POLG: variants seen among roughly 807,000 people sequenced by gnomAD.
POLG encodes the protein DNA polymerase subunit gamma-1.
POLG carries 110 observed loss-of-function variants against 155.4 expected under a neutral mutation model. The observed-to-expected ratio is 0.71, with a 90% CI of 0.61 to 0.83. The LOEUF (loss-of-function observed/expected upper bound fraction) is 0.83. Ranked by LOEUF, POLG falls within the 40% of genes least tolerant of loss-of-function variation. POLG has a pLI of 0.00. For missense variants in POLG, 1,685 were observed against 1,627.5 expected, an observed-to-expected ratio of 1.04 and a Z score of -0.61; for synonymous variants, 701 against 631.5, an observed-to-expected ratio of 1.11 and a Z score of -1.65.
chr15:89,325,169 AGAGAGTGAGAGAGTGAGT>A lies in POLG; in HGVS notation c.1949+263_1949+280del, dbSNP rs1567189674. 1.2e-3 allele frequency among the ~76,000 whole-genome samples: 101 copies of A among 84,600 alleles called. 15 individuals carry two copies. The highest frequency in any genetic ancestry group is 9.7e-3 in the East Asian group (25 of 2,584). The allele number at this position is 84,600 out of a possible 152,430, so 55.5% of individuals were successfully genotyped here. ...GAGTGAGTGAGTGAGTGAGTGAGTG[AGAGAGTGAGAGAGTGAGT>A]GAGTGAGAGAGTGAGTGAGAGAGTG... On this transcript the variant is annotated intron_variant, in intron 10 of 22. Coordinates refer to ENST00000268124, the MANE Select transcript of POLG (RefSeq NM_002693.3).
At chr15:89,325,119 TGAGTGAGTGAGAGAGTGAGTGAGA>T (rs1338794660) in intron 10 of POLG, among the ~76,000 whole-genome samples, 11 of 36,634 alleles carry the variant, frequency 3.0e-4, no homozygotes, top group African/African-American at 1.4e-3. Context: ...AGAGAGTGAG[TGAGTGAGTGAGAGAGTGAGTGAGA>T]GAGTGAGTGA....
At chr15:89,319,817 C>T (rs1430735818) in intron 18 of POLG, among the ~76,000 whole-genome samples, 1 of 152,172 alleles carries the variant, frequency 6.6e-6, no homozygotes, top group African/African-American at 2.4e-5. Context: ...GCCTGGCTTA[C>T]CCCTCTCAAC....
In POLG at chr15:89,333,398, G is replaced by C. The variant is rs1362643719; in HGVS notation, c.357C>G (p.Pro119=). 1 of 1,598,278 alleles carries C rather than the reference G, an allele frequency of 6.3e-7. No individual in the cohort carries two copies. Among genetic ancestry groups the C allele is most frequent in the Admixed American group, 1.7e-5 (1 of 58,860 alleles). ...GCAGGCGCAGCTCCACGTCGGGCAA[G>C]GGCACGGCTGGCTGCCCCCAGAGCC... ...KHGLWGQPAV[P]LPDVELRLPP... is the part of the protein sequence containing the mutation. Residue 119 remains proline, a synonymous_variant, in exon 2 of 23, where the codon CCC becomes CCG. Transcript: ENST00000268124.
rs1482684558 is a variant in POLG at position 89,333,722 on chromosome 15, G to A, written c.33C>T (p.Gly11=). Residue 11 remains glycine (G), a synonymous_variant, in exon 2 of 23, where the codon GGC becomes GGT. Coordinates refer to ENST00000268124, the MANE Select transcript of POLG (RefSeq NM_002693.3). MSRLLWRKVA[G]ATVGPGPVPA... is the part of the protein sequence containing the mutation. ...GAACCGGCCCTGGCCCGACGGTGGC[G>A]CCGGCCACCTTCCTCCAGAGCAGGC... 4 of 1,536,228 alleles carry A rather than the reference G, an allele frequency of 2.6e-6. No individual in the cohort carries two copies. Among genetic ancestry groups the A allele is most frequent in the Admixed American group, 3.9e-5 (2 of 51,046 alleles).
intron 14 of POLG, 110 bp downstream of exon 14, chr15:89,322,632 C>T: frequency 1.6e-6 from 2 of 1,234,852 alleles, no homozygotes; most frequent in African/African-American, 1.5e-5. Flanking sequence ...GTAGCCAGGC[C>T]TCTAGACCAT....
chr15:89,327,008 G>A lies in POLG; in HGVS notation c.1489C>T (p.Gln497Ter). 6.2e-7 allele frequency: 1 copy of A among 1,614,160 alleles called. No individual in the cohort carries two copies. ...TTCTTCACCTTCTTAGCTTTCTTCT[G>A]CTTAAATTCTTGCAGGTCCCACTCC... ...DLEWDLQEFKQKKAKKVKKEP... is the reference protein window; with the variant it reads ...DLEWDLQEFK Residue 497 changes from glutamine (Q) to a stop codon, truncating the protein, a stop_gained, in exon 8 of 23, where the codon CAG becomes TAG. Coordinates refer to ENST00000268124, the MANE Select transcript of POLG (RefSeq NM_002693.3). LOFTEE classifies it high-confidence loss of function.
chr15:89,319,409 C>T (rs2055361508), intron 18 of POLG, 59 bp from the exon 19 acceptor site: 2 of 1,605,142 alleles, frequency 1.2e-6, no homozygotes, highest in African/African-American at 1.3e-5. Context: ...ACGCTAGTGC[C>T]TTGGCAAGGA....
Position 89,325,268 on chromosome 15 carries a change from G to C in POLG, c.1949+182C>G, listed in dbSNP as rs987359198. Among the ~76,000 whole-genome samples, 5 of 109,006 alleles carry C rather than the reference G, an allele frequency of 4.6e-5. 1 individual carries two copies. Among genetic ancestry groups the C allele is most frequent in the Non-Finnish European group, 7.4e-5 (4 of 53,854 alleles). 71.5% of individuals were successfully genotyped at this position (109,006 alleles called of 152,430 possible). A position where few individuals can be genotyped will look rare whatever the true frequency, so the allele number is the denominator to read the frequency against. ...TGAGTGAGAGAGAGAGTGAGTGAGT[G>C]AGTGAGAGAGAGAGAAAGAGAGAGA... On this transcript the variant is annotated intron_variant, in intron 10 of 22. Coordinates refer to ENST00000268124, the MANE Select transcript of POLG (RefSeq NM_002693.3).
chr15:89,318,525 C>G lies in POLG; in HGVS notation c.3482+16G>C. ...AGGAGCACATGGCCAGGCTAGAGGCCATGGGCCCCGCATACCTGGTCAAGA... is the reference window on the plus strand; with the variant it reads ...AGGAGCACATGGCCAGGCTAGAGGCGATGGGCCCCGCATACCTGGTCAAGA... On this transcript the variant is annotated intron_variant, in intron 21 of 22. Coordinates refer to ENST00000268124, the MANE Select transcript of POLG (RefSeq NM_002693.3). 6.2e-7 allele frequency: 1 copy of G among 1,610,676 alleles called. No homozygotes were observed. Among genetic ancestry groups the G allele is most frequent in the Non-Finnish European group, 8.5e-7 (1 of 1,178,318 alleles).
Position 89,318,579 on chromosome 15 carries a change from G to A in POLG, c.3444C>T (p.Arg1148=), listed in dbSNP as rs374937961. Residue 1148 remains arginine, a synonymous_variant, in exon 21 of 23, where the codon CGC becomes CGT. Transcript: ENST00000268124. Reference sequence around the variant, plus strand: ...TGGTGATCTGCAAGGCCAGGGCAGCGCGGTAGCGGTCCTCCTCCCGCACCA... The same window carrying A: ...TGGTGATCTGCAAGGCCAGGGCAGCACGGTAGCGGTCCTCCTCCCGCACCA... ...RYLVREEDRY[R]AALALQITNL... is the part of the protein sequence containing the mutation. 75 of 1,613,874 alleles carry A rather than the reference G, an allele frequency of 4.6e-5. No individual in the cohort carries two copies. The highest frequency in any genetic ancestry group is 3.8e-4 in the South Asian group (35 of 91,074).
intron 9 of POLG, 23 bp from the exon 10 acceptor site, chr15:89,325,709 C>A (rs1332350941): frequency 1.3e-6 from 2 of 1,543,542 alleles, no homozygotes; most frequent in African/African-American, 2.7e-5. Context: ...AGGAAGACAG[C>A]AGTGTCACGA....
chr15:89,323,446 G>C lies in POLG; in HGVS notation c.2223C>G (p.Asp741Glu). ...AAAACCAGCAGCCAGGGATGTCCAC[G>C]TCGTTGTAAGGTCCATTGCCATGGT... ...SYHHGNGPYN[D>E]VDIPGCWFFK... Residue 741 changes from aspartate (D) to glutamate (E), a missense_variant, in exon 13 of 23, where the codon GAC becomes GAG. Asp to Glu is a conservative substitution (Grantham distance 45). Coordinates refer to ENST00000268124, the MANE Select transcript of POLG (RefSeq NM_002693.3). The C allele has an allele frequency of 6.2e-7, 1 of 1,614,018 alleles. No homozygotes were observed. The highest frequency in any genetic ancestry group is 8.5e-7 in the Non-Finnish European group (1 of 1,179,884).
At position 89,333,526 on chromosome 15, in the gene POLG, G is replaced by A; in HGVS notation, c.229C>T (p.Gln77Ter). ...TCGTGCAGCCCTCTCGAGAGCATCT[G>A]GATGTCCAATGGGTTGTGCCGCAGC... ...GQLRHNPLDIQMLSRGLHEQI... is the reference protein window; with the variant it reads ...GQLRHNPLDI Residue 77 changes from glutamine to a stop codon, truncating the protein, a stop_gained, in exon 2 of 23, where the codon CAG (glutamine) becomes TAG (stop). Transcript: ENST00000268124. LOFTEE classifies it high-confidence loss of function. 6.2e-7 allele frequency: 1 copy of A among 1,612,882 alleles called. No homozygotes were observed. Among genetic ancestry groups the A allele is most frequent in the Non-Finnish European group, 8.5e-7 (1 of 1,179,710 alleles).
chr15:89,326,523 G>A, intron 9 of POLG, 89 bp downstream of exon 9: 6 of 1,404,940 alleles, frequency 4.3e-6, no homozygotes, highest in Non-Finnish European at 6.0e-6. Context: ...TGTGCATGAT[G>A]CCTCTGTGCC....
intron 3 of POLG, among the ~76,000 whole-genome samples, chr15:89,329,481 C>G (rs770009073): frequency 1.6e-4 from 25 of 152,166 alleles, no homozygotes; most frequent in African/African-American, 6.0e-4. Context: ...GCTCTGTGGC[C>G]CTGAGCATGT....
intron 2 of POLG, among the ~76,000 whole-genome samples, chr15:89,331,072 G>A (rs2055588028): frequency 1.3e-5 from 2 of 152,194 alleles, no homozygotes; most frequent in Non-Finnish European, 1.5e-5. Flanking sequence ...GGCCCACTCA[G>A]CATCAAAGTG....
rs1596362025 is a variant in POLG, at chr15:89,333,125, T to C, written c.630A>G (p.Thr210=). ...CCGAGGGGGATATGGCCACCGCCAA[T>C]GTGGGGCAAGTTCCCTCTGCCAAGC... is the stretch of plus-strand genomic sequence containing the variant. ...EVCLAEGTCP[T]LAVAISPSAW... The change falls in exon 2 of 23, where the codon ACA becomes ACG. Residue 210 remains threonine (T), a synonymous_variant. Coordinates refer to ENST00000268124, the MANE Select transcript of POLG (RefSeq NM_002693.3). The C allele has an allele frequency of 2.0e-6, 3 of 1,524,480 alleles. No homozygotes were observed. The highest frequency in any genetic ancestry group is 2.6e-6 in the Non-Finnish European group (3 of 1,136,198). The allele number at this position is 1,524,480 out of a possible 1,614,324, so 94.4% of individuals were successfully genotyped here. A position where few individuals can be genotyped will look rare whatever the true frequency, so the allele number is the denominator to read the frequency against.
In POLG at chr15:89,325,151, TGAGTGAGTGAGTGAGTGAGAGAGTGAGA is replaced by T. The variant is rs1567189573; in HGVS notation, c.1949+271_1949+298del. ...GTGAGAGAGTGAGTGAGAGAGTGAG[TGAGTGAGTGAGTGAGTGAGAGAGTGAGA>T]GAGTGAGTGAGTGAGAGAGTGAGTG... On this transcript the variant is annotated intron_variant, in intron 10 of 22. Coordinates refer to ENST00000268124, the MANE Select transcript of POLG (RefSeq NM_002693.3). Among the ~76,000 whole-genome samples, 28 of 42,220 alleles carry T rather than the reference TGAGTGAGTGAGTGAGTGAGAGAGTGAGA, an allele frequency of 6.6e-4. 7 individuals are homozygous for T. Among genetic ancestry groups the T allele is most frequent in the African/African-American group, 3.1e-3 (25 of 8,190 alleles). 27.7% of individuals were successfully genotyped at this position (42,220 alleles called of 152,430 possible).
chr15:89,317,855 G>A, intron 21 of POLG: 3 of 396,906 alleles, frequency 7.6e-6, no homozygotes, highest in East Asian at 5.8e-5. Context: ...AGGACTTTTA[G>A]CTTTGTTAAG....
Sources: allele counts gnomAD v4.1 joint callset (sites outside exome capture counted in the v4.1 genomes callset), GRCh38; gene constraint gnomAD v4.1.1; transcripts MANE v1.5; gene names NCBI Gene and HGNC (gene_info 2026-07-23, HGNC 2026-07-21).